The following ERI1 variants were observed in gnomAD, a reference collection of about 807,000 sequenced individuals.
ERI1 encodes exoribonuclease 1.
ERI1 carries 39 observed loss-of-function variants against 39.7 expected under a neutral mutation model. The ratio of observed to expected loss-of-function variants is 0.98; its 90% CI spans 0.76 to 1.28. The LOEUF is 1.28. Among genes scored for constraint, ERI1 ranks in the 50% most tolerant of loss-of-function variants. The probability of loss-of-function intolerance (pLI) is 0.00; values close to 1 mark genes in which losing one functional copy is unlikely to be tolerated. For synonymous variants in ERI1, 204 were observed against 149.6 expected, an observed-to-expected ratio of 1.36 and a Z score of -2.65; for missense variants, 581 against 416.9, an observed-to-expected ratio of 1.39 and a Z score of -3.43.
At chr8:9,082,452 A>G (rs1399681338) in intron 3 of ERI1, among the ~76,000 whole-genome samples, 5 of 152,210 alleles carry the variant, frequency 3.3e-5, no homozygotes, top group African/African-American at 1.2e-4. Flanking sequence ...TCACAAAATG[A>G]GAGTTAAGCT....
At chr8:9,056,429 G>A (rs933418473) in intron 3 of ERI1, among the ~76,000 whole-genome samples, 7 of 152,212 alleles carry the variant, frequency 4.6e-5, no homozygotes, top group African/African-American at 1.2e-4. Flanking sequence ...TTGATGAGCC[G>A]TGTATAGTTT....
At chr8:9,073,294 A>T (rs973526769) in intron 3 of ERI1, among the ~76,000 whole-genome samples, 1 of 152,242 alleles carries the variant, frequency 6.6e-6, no homozygotes, top group Non-Finnish European at 1.5e-5. Flanking sequence ...CATGCAAGAC[A>T]CTATTTGTTA....
chr8:9,009,279 C>T (rs2117190660), intron 2 of ERI1: 1 of 338,002 alleles, frequency 3.0e-6, no homozygotes, highest in Admixed American at 4.0e-5. Flanking sequence ...GAAATCATCA[C>T]AATACAGAGT....
At chr8:9,048,983 A>C (rs1262557762) in intron 3 of ERI1, among the ~76,000 whole-genome samples, 4 of 151,996 alleles carry the variant, frequency 2.6e-5, no homozygotes, top group African/African-American at 9.7e-5. Context: ...CAGGATCAAG[A>C]TAGGTGGAGG....
chr8:9,089,569 G>A (rs1799641256), intron 3 of ERI1, among the ~76,000 whole-genome samples: 1 of 152,220 alleles, frequency 6.6e-6, no homozygotes, highest in South Asian at 2.1e-4. Flanking sequence ...GGAGGAAGCA[G>A]AGAGGAGCCC....
chr8:9,072,514 C>T (rs1288387152), intron 3 of ERI1: 1 of 152,158 alleles, frequency 6.6e-6, no homozygotes. Context: ...AGCTGTAACA[C>T]GCGATTTCAG....
intron 6 of ERI1, among the ~76,000 whole-genome samples, chr8:9,024,884 A>G (rs1322471872): frequency 6.6e-6 from 1 of 151,982 alleles, no homozygotes; most frequent in Non-Finnish European, 1.5e-5. Flanking sequence ...ATAAGCTCAC[A>G]TGGATTCTTT....
At chr8:9,084,549 C>T (rs907125674) in intron 3 of ERI1, among the ~76,000 whole-genome samples, 6 of 152,176 alleles carry the variant, frequency 3.9e-5, no homozygotes, top group African/African-American at 1.2e-4. Context: ...CACTCAACTT[C>T]AGTTTGGAAA....
At chr8:9,042,276 T>C (rs1798049745) in intron 3 of ERI1, among the ~76,000 whole-genome samples, 1 of 152,148 alleles carries the variant, frequency 6.6e-6, no homozygotes, top group South Asian at 2.1e-4. Context: ...TTGCGATAAT[T>C]TCTCTCTGTG....
intron 2 of ERI1, among the ~76,000 whole-genome samples, chr8:9,010,833 G>T (rs1293540255): frequency 6.6e-6 from 1 of 152,038 alleles, no homozygotes. Context: ...TCCATTTGTG[G>T]AATGTATATT....
At chr8:9,095,071 A>G (rs1161876584) in intron 3 of ERI1, among the ~76,000 whole-genome samples, 1 of 152,216 alleles carries the variant, frequency 6.6e-6, no homozygotes, top group East Asian at 1.9e-4. Context: ...CTTTACTTCC[A>G]TCAGCTGCAA....
chr8:9,021,774 G>GTT (rs200507835), intron 6 of ERI1, among the ~76,000 whole-genome samples: 62 of 88,306 alleles, frequency 7.0e-4, no homozygotes, highest in African/African-American at 1.8e-3. Flanking sequence ...TGTTTTTTTT[G>GTT]TTTTTTTTTT....
At chr8:9,076,491 T>G (rs1563091063) in intron 3 of ERI1, among the ~76,000 whole-genome samples, 1 of 152,186 alleles carries the variant, frequency 6.6e-6, no homozygotes, top group Non-Finnish European at 1.5e-5. Context: ...AAGTGAGAAC[T>G]CATCTGGGCC....
rs777989171 is a variant in ERI1 at position 9,007,995 on chromosome 8, G to T, written c.134G>T (p.Gly45Val). The T allele has an allele frequency of 3.9e-6, 6 of 1,558,072 alleles. No individual in the cohort carries two copies. Among genetic ancestry groups the T allele is most frequent in the African/African-American group, 1.5e-5 (1 of 64,836 alleles). ...GAAACTCAACAGTGTAAATTTGATG[G>T]CCAGGAGACAAAAGGATCCAAGTTC... ...PEETQQCKFD[G>V]QETKGSKFIT... The change falls in exon 2 of 7, where the codon GGC (glycine) becomes GTC (valine). Residue 45 changes from glycine to valine, a missense_variant. By Grantham distance (109) the Gly-to-Val change is moderately radical. Coordinates refer to ENST00000250263, the MANE Select transcript of ERI1 (RefSeq NM_153332.4).
intron 6 of ERI1, among the ~76,000 whole-genome samples, chr8:9,026,310 T>C (rs959591858): frequency 6.6e-6 from 1 of 152,198 alleles, no homozygotes; most frequent in Non-Finnish European, 1.5e-5. Context: ...ATTAAGTACA[T>C]TCACATTATT....
chr8:9,042,345 A>G (rs575362973), intron 3 of ERI1, among the ~76,000 whole-genome samples: 12 of 152,154 alleles, frequency 7.9e-5, no homozygotes, highest in Non-Finnish European at 1.5e-4. Flanking sequence ...TATTGCCCTG[A>G]TCTCTCTTTT....
At chr8:9,006,487 A>C (rs1399743953) in intron 1 of ERI1, among the ~76,000 whole-genome samples, 5 of 152,382 alleles carry the variant, frequency 3.3e-5, no homozygotes, top group Middle Eastern at 3.4e-3. Flanking sequence ...TTTGGTAGAC[A>C]AACTGTTACT....
intron 3 of ERI1, among the ~76,000 whole-genome samples, chr8:9,063,873 G>C (rs1289663538): frequency 2.0e-5 from 3 of 152,218 alleles, no homozygotes; most frequent in Admixed American, 1.3e-4. Context: ...AGTTGAAGAG[G>C]TTTTAAGTTC....
At chr8:9,043,580 G>A (rs1195669501) in intron 3 of ERI1, among the ~76,000 whole-genome samples, 1 of 152,242 alleles carries the variant, frequency 6.6e-6, no homozygotes, top group Non-Finnish European at 1.5e-5. Flanking sequence ...CACTTTGGTA[G>A]AAACTTTTAA....
Sources: gnomAD v4.1 joint callset for allele counts (sites outside exome capture counted in the v4.1 genomes callset) on GRCh38, gnomAD v4.1.1 for gene constraint, MANE v1.5 for transcripts, NCBI Gene and HGNC (gene_info 2026-07-23, HGNC 2026-07-21) for gene names.